NLGN1: variants seen among roughly 807,000 people sequenced by gnomAD.
The protein encoded by NLGN1 is neuroligin 1, also known as neuroligin-1.
Under a neutral mutation model 65.5 loss-of-function variants are expected in NLGN1, and 12 were observed. The observed-to-expected ratio is 0.18, with a 90% CI of 0.12 to 0.30. NLGN1 has a LOEUF of 0.30. Among genes scored for constraint, NLGN1 ranks in the 10% least tolerant of loss-of-function variants. The pLI, the probability that NLGN1 is intolerant of heterozygous loss-of-function variation, is 1.00. For missense variants in NLGN1, 750 were observed against 1,007.1 expected, an observed-to-expected ratio of 0.74 and a Z score of 3.46; for synonymous variants, 350 against 359.5, an observed-to-expected ratio of 0.97 and a Z score of 0.30.
chr3:174,169,880 C>T (rs532426146), intron 4 of NLGN1, among the ~76,000 whole-genome samples: 1 of 152,266 alleles, frequency 6.6e-6, no homozygotes, highest in South Asian at 2.1e-4. Context: ...CTTTCCCTCA[C>T]AGCATTTTCA....
intron 4 of NLGN1, among the ~76,000 whole-genome samples, chr3:174,154,963 TA>T (rs1166480220): frequency 7.1e-6 from 1 of 140,062 alleles, no homozygotes; most frequent in African/African-American, 2.6e-5. Context: ...ATATAATATA[TA>T]ATTATATATA....
intron 3 of NLGN1, among the ~76,000 whole-genome samples, chr3:173,745,570 G>A (rs1775240281): frequency 6.6e-6 from 1 of 151,960 alleles, no homozygotes; most frequent in Admixed American, 6.6e-5. Flanking sequence ...GAATAGGGAG[G>A]AAGGTAGTAT....
At chr3:173,401,955 C>T (rs1717782332) in intron 1 of NLGN1, among the ~76,000 whole-genome samples, 1 of 152,138 alleles carries the variant, frequency 6.6e-6, no homozygotes, top group African/African-American at 2.4e-5. Context: ...TATAGCGCTT[C>T]ATAACATTTT....
At chr3:173,724,970 G>A (rs1285011382) in intron 3 of NLGN1, among the ~76,000 whole-genome samples, 1 of 151,974 alleles carries the variant, frequency 6.6e-6, no homozygotes, top group Non-Finnish European at 1.5e-5. Context: ...CTCATAGGTG[G>A]GAATTGAACA....
At chr3:173,983,999 C>G (rs993378921) in intron 4 of NLGN1, among the ~76,000 whole-genome samples, 2 of 152,038 alleles carry the variant, frequency 1.3e-5, no homozygotes, top group South Asian at 4.1e-4. Context: ...TGTCACATGC[C>G]CTCAAATTTG....
intron 4 of NLGN1, among the ~76,000 whole-genome samples, chr3:174,107,017 CAG>C (rs71162376): frequency 0.084 from 8,209 of 97,230 alleles, 348 homozygotes; most frequent in East Asian, 0.2. Flanking sequence ...CACACACACA[CAG>C]AGAGAGAGAG....
intron 4 of NLGN1, among the ~76,000 whole-genome samples, chr3:173,859,420 C>T (rs923141301): frequency 3.9e-5 from 6 of 152,034 alleles, no homozygotes; most frequent in African/African-American, 1.4e-4. Context: ...ATTAGTTATT[C>T]TGTTTGTCCA....
intron 2 of NLGN1, among the ~76,000 whole-genome samples, chr3:173,539,640 A>AGGTATATATG (rs1553879342): frequency 8.9e-6 from 1 of 111,812 alleles, no homozygotes; most frequent in East Asian, 2.2e-4. Context: ...ATACACATAT[A>AGGTATATATG]TACATATATA....
At position 173,751,172 on chromosome 3, in the gene NLGN1, A is replaced by G. The variant is rs553091767; in HGVS notation, c.494-56508A>G. ...GGGTCACCTGAGTAGGCGCACATCT[A>G]TAATAGGACTATACTAGTTAAGATA... On this transcript the variant is annotated intron_variant, in intron 3 of 6. Transcript: ENST00000457714. 7.9e-5 allele frequency among the ~76,000 whole-genome samples: 12 copies of G among 152,216 alleles called. No homozygotes were observed. In the South Asian group the frequency reaches 2.5e-3, roughly 32 times the overall value.
chr3:173,652,708 G>T (rs750440797), intron 3 of NLGN1, among the ~76,000 whole-genome samples: 1 of 152,150 alleles, frequency 6.6e-6, no homozygotes, highest in Non-Finnish European at 1.5e-5. Context: ...TTTTTGCTTA[G>T]GGTTGCTTTG....
intron 3 of NLGN1, among the ~76,000 whole-genome samples, chr3:173,777,461 T>A (rs1780467717): frequency 6.6e-6 from 1 of 151,946 alleles, no homozygotes; most frequent in African/African-American, 2.4e-5. Flanking sequence ...AATGATCAAA[T>A]CAGGATAATT....
intron 4 of NLGN1, among the ~76,000 whole-genome samples, chr3:174,177,200 A>T (rs746806123): frequency 1.1e-4 from 17 of 152,214 alleles, no homozygotes; most frequent in East Asian, 1.9e-4. Context: ...TTATTAAAAT[A>T]TTCATGGAAA....
At chr3:174,171,155 T>C (rs907523825) in intron 4 of NLGN1, among the ~76,000 whole-genome samples, 2 of 152,170 alleles carry the variant, frequency 1.3e-5, no homozygotes, top group African/African-American at 4.8e-5. Flanking sequence ...GTTATGTTTC[T>C]GAGAGTAATA....
chr3:174,030,964 A>C (rs1480951720), intron 4 of NLGN1, among the ~76,000 whole-genome samples: 1 of 152,206 alleles, frequency 6.6e-6, no homozygotes, highest in African/African-American at 2.4e-5. Context: ...TAAGTACCTG[A>C]ACACCACTCT....
chr3:173,576,134 T>C (rs1745463323), intron 2 of NLGN1, among the ~76,000 whole-genome samples: 1 of 152,104 alleles, frequency 6.6e-6, no homozygotes, highest in Admixed American at 6.5e-5. Context: ...TATGTTGAAG[T>C]GATAATATTT....
chr3:173,944,987 A>T (rs1243184765), intron 4 of NLGN1, among the ~76,000 whole-genome samples: 1 of 152,164 alleles, frequency 6.6e-6, no homozygotes, highest in African/African-American at 2.4e-5. Flanking sequence ...AGAAAATGAG[A>T]TGGAGGTCAC....
intron 4 of NLGN1, among the ~76,000 whole-genome samples, chr3:173,830,645 T>C (rs1260929898): frequency 6.6e-6 from 1 of 152,172 alleles, no homozygotes; most frequent in Non-Finnish European, 1.5e-5. Context: ...TTAAAAAATC[T>C]CTCTTGTGGC....
At chr3:173,646,091 T>C (rs564732265) in intron 3 of NLGN1, among the ~76,000 whole-genome samples, 8 of 152,206 alleles carry the variant, frequency 5.3e-5, no homozygotes, top group South Asian at 4.2e-4. Context: ...CAGAAAGTGG[T>C]CCATCCCGTG....
At chr3:173,842,454 C>G (rs1294621917) in intron 4 of NLGN1, among the ~76,000 whole-genome samples, 1 of 152,140 alleles carries the variant, frequency 6.6e-6, no homozygotes, top group Non-Finnish European at 1.5e-5. Context: ...AAGGCAAGTC[C>G]CTTCTGCCTA....
Sources: gnomAD v4.1 joint callset for allele counts (sites outside exome capture counted in the v4.1 genomes callset) on GRCh38, gnomAD v4.1.1 for gene constraint, MANE v1.5 for transcripts, NCBI Gene and HGNC (gene_info 2026-07-23, HGNC 2026-07-21) for gene names.